Variants in FRS2 observed in about 807,000 individuals in gnomAD.
The protein encoded by FRS2 is FGFR signalling adaptor.
A neutral mutation model predicts 43.9 loss-of-function variants in FRS2; 8 were observed. That is an observed-to-expected ratio of 0.18 (90% CI 0.11 to 0.33). FRS2 has a LOEUF of 0.33. FRS2 is among the 10% of genes least tolerant of loss of function. The pLI, the probability that FRS2 is intolerant of heterozygous loss-of-function variation, is 1.00. For synonymous variants in FRS2, 219 were observed against 220.3 expected, an observed-to-expected ratio of 0.99 and a Z score of 0.05; for missense variants, 534 against 627.6, an observed-to-expected ratio of 0.85 and a Z score of 1.59.
In FRS2 at chr12:69,576,574, G is replaced by A. The variant is rs1881207336; in HGVS notation, c.*1619G>A. On this transcript the variant is annotated 3_prime_UTR_variant, in exon 9 of 9. Coordinates refer to ENST00000549921, the MANE Select transcript of FRS2 (RefSeq NM_001278356.2). The stretch of plus-strand genomic sequence containing the variant: ...TCTGGATCTACCAGATATAACTAAG[G>A]TTAATTTAGCATGAAAAAGTTTTAG... 2 of 152,100 alleles carry A rather than the reference G, an allele frequency of 1.3e-5. No individual in the cohort carries two copies. Among genetic ancestry groups the A allele is most frequent in the South Asian group, 4.1e-4 (2 of 4,830 alleles). 9.4% of individuals were successfully genotyped at this position (152,100 alleles called of 1,614,324 possible).
intron 3 of FRS2, among the ~76,000 whole-genome samples, chr12:69,548,021 T>C (rs1414606313): frequency 2.0e-5 from 3 of 151,910 alleles, no homozygotes; most frequent in African/African-American, 7.3e-5. Context: ...TAAGTTTTTT[T>C]TATTATTATT....
chr12:69,570,969 C>T (rs1313873561), intron 6 of FRS2, among the ~76,000 whole-genome samples: 3 of 152,102 alleles, frequency 2.0e-5, no homozygotes, highest in Admixed American at 2.0e-4. Flanking sequence ...CAAATGATCA[C>T]CTTGGAATAG....
chr12:69,496,422 G>A (rs1325611631), intron 1 of FRS2, among the ~76,000 whole-genome samples: 1 of 151,868 alleles, frequency 6.6e-6, no homozygotes, highest in Non-Finnish European at 1.5e-5. Context: ...TGGTGACAGA[G>A]TGAGACTCCA....
At chr12:69,570,293 G>T in intron 5 of FRS2, 38 bp from the exon 6 acceptor site, 1 of 1,445,908 alleles carries the variant, frequency 6.9e-7, no homozygotes, top group Non-Finnish European at 9.7e-7. Context: ...CTGACGAATT[G>T]GTGACATATT....
intron 1 of FRS2, among the ~76,000 whole-genome samples, chr12:69,483,617 A>G (rs756037977): frequency 1.3e-5 from 2 of 152,024 alleles, no homozygotes; most frequent in Non-Finnish European, 2.9e-5. Context: ...ACTTTTTACA[A>G]ACTTTATATT....
chr12:69,484,368 G>A (rs1871638418), intron 1 of FRS2, among the ~76,000 whole-genome samples: 1 of 152,200 alleles, frequency 6.6e-6, no homozygotes, highest in African/African-American at 2.4e-5. Flanking sequence ...ACAAGTCTGA[G>A]CCACTGCACC....
At position 69,510,146 on chromosome 12, in the gene FRS2, C is replaced by T. The variant is rs1874323431; in HGVS notation, c.-260-20719C>T. ...CTGTCCTAAGCCATATTCTGTGCTT[C>T]TGCTGCAGCACTTTTCATAGTGATA... On this transcript the variant is annotated intron_variant, in intron 1 of 8. Coordinates refer to ENST00000549921, the MANE Select transcript of FRS2 (RefSeq NM_001278356.2). Among the ~76,000 whole-genome samples the T allele has an allele frequency of 4.6e-5, 7 of 152,168 alleles. No homozygotes were observed. The South Asian group carries it at 1.5e-3, about 32-fold the overall frequency.
chr12:69,545,344 G>C (rs544312160), intron 3 of FRS2, among the ~76,000 whole-genome samples: 1 of 152,254 alleles, frequency 6.6e-6, no homozygotes, highest in East Asian at 1.9e-4. Context: ...TGAAAAAGAA[G>C]AAGAAAGCTG....
intron 1 of FRS2, among the ~76,000 whole-genome samples, chr12:69,523,203 C>T (rs1875865255): frequency 6.6e-6 from 1 of 152,172 alleles, no homozygotes; most frequent in Non-Finnish European, 1.5e-5. Flanking sequence ...CTTATTATTG[C>T]ATGGGAGTCT....
intron 3 of FRS2, among the ~76,000 whole-genome samples, chr12:69,542,770 G>C (rs1200535579): frequency 6.6e-6 from 1 of 152,136 alleles, no homozygotes; most frequent in Non-Finnish European, 1.5e-5. Flanking sequence ...ACCTTTTAAT[G>C]TTAGAAATTA....
At chr12:69,527,020 G>A (rs1052705482) in intron 1 of FRS2, among the ~76,000 whole-genome samples, 2 of 152,204 alleles carry the variant, frequency 1.3e-5, no homozygotes, top group African/African-American at 4.8e-5. Context: ...ACCGCGTCCA[G>A]CCAGTGCAGA....
At chr12:69,562,075 GT>G (rs1879925159) in intron 3 of FRS2, 104 bp from the exon 4 acceptor site, 4 of 392,890 alleles carry the variant, frequency 1.0e-5, no homozygotes, top group Non-Finnish European at 1.3e-5. Flanking sequence ...AGACTTTTGA[GT>G]TTGTTTAAAT....
At chr12:69,568,174 T>C (rs1228653284) in intron 4 of FRS2, among the ~76,000 whole-genome samples, 1 of 152,034 alleles carries the variant, frequency 6.6e-6, no homozygotes, top group Non-Finnish European at 1.5e-5. Context: ...GGGAAAGGAG[T>C]ATTAAATAGA....
chr12:69,552,302 C>CAAAAA (rs35353764), intron 3 of FRS2, among the ~76,000 whole-genome samples: 21 of 51,282 alleles, frequency 4.1e-4, no homozygotes, highest in East Asian at 2.1e-3. Context: ...AACTCCGTCT[C>CAAAAA]AAAAAAAAAA....
At chr12:69,484,665 G>T (rs1370039858) in intron 1 of FRS2, among the ~76,000 whole-genome samples, 1 of 152,140 alleles carries the variant, frequency 6.6e-6, no homozygotes, top group Non-Finnish European at 1.5e-5. Flanking sequence ...CAAGTGCCTA[G>T]TCGTGCTGAC....
intron 1 of FRS2, among the ~76,000 whole-genome samples, chr12:69,516,753 A>T (rs1358236593): frequency 1.3e-5 from 2 of 152,044 alleles, no homozygotes; most frequent in Non-Finnish European, 2.9e-5. Context: ...TTTCTTTATA[A>T]TTTTTTTGTT....
intron 4 of FRS2, among the ~76,000 whole-genome samples, chr12:69,566,589 A>G (rs960780566): frequency 1.3e-5 from 2 of 148,818 alleles, no homozygotes; most frequent in Non-Finnish European, 3.0e-5. Context: ...CCTGAGCAAC[A>G]AGAGCGAAAT....
At chr12:69,502,237 A>G (rs1206276225) in intron 1 of FRS2, among the ~76,000 whole-genome samples, 1 of 152,142 alleles carries the variant, frequency 6.6e-6, no homozygotes, top group Non-Finnish European at 1.5e-5. Context: ...AAGTGCTGGT[A>G]TTACAGGTGT....
chr12:69,494,743 C>T (rs1592935067), intron 1 of FRS2, among the ~76,000 whole-genome samples: 1 of 152,056 alleles, frequency 6.6e-6, no homozygotes, highest in East Asian at 1.9e-4. Flanking sequence ...AGTAAGTTCT[C>T]CTGTGCTATA....
Sources: gnomAD v4.1 joint callset for allele counts (sites outside exome capture counted in the v4.1 genomes callset) on GRCh38, gnomAD v4.1.1 for gene constraint, MANE v1.5 for transcripts, NCBI Gene and HGNC (gene_info 2026-07-23, HGNC 2026-07-21) for gene names.